Variants in RSF1 observed in about 807,000 individuals in gnomAD.
RSF1 encodes the protein remodeling and spacing factor 1, also known as HBV pX-associated protein 8.
RSF1 carries 13 observed loss-of-function variants against 145.2 expected under a neutral mutation model. That is an observed-to-expected ratio of 0.09 (90% CI 0.06 to 0.14). The LOEUF (loss-of-function observed/expected upper bound fraction) is 0.14, where lower values mean the gene tolerates loss of function less well. RSF1 is among the 10% of genes least tolerant of loss of function. RSF1 has a pLI of 1.00. For synonymous variants in RSF1, 577 were observed against 592.6 expected (o/e 0.97, Z 0.38); for missense variants, 1,517 against 1,718.2 (o/e 0.88, Z 2.07).
intron 2 of RSF1, among the ~76,000 whole-genome samples, chr11:77,750,690 A>G (rs900045746): frequency 7.9e-5 from 12 of 152,194 alleles, no homozygotes; most frequent in African/African-American, 2.9e-4. Flanking sequence ...CCCATGCTCC[A>G]ACTTGTTTCT....
At chr11:77,695,205 A>T (rs1000489237) in intron 7 of RSF1, among the ~76,000 whole-genome samples, 1 of 152,116 alleles carries the variant, frequency 6.6e-6, no homozygotes, top group Non-Finnish European at 1.5e-5. Context: ...AATAGTAATA[A>T]ATCAATAAAT....
intron 5 of RSF1, among the ~76,000 whole-genome samples, chr11:77,707,416 A>G (rs1194495146): frequency 3.9e-5 from 6 of 152,234 alleles, no homozygotes; most frequent in Admixed American, 1.3e-4. Flanking sequence ...GGGCAAGGAC[A>G]TGATACATTT....
chr11:77,774,148 T>A (rs1948316172), intron 1 of RSF1, among the ~76,000 whole-genome samples: 1 of 152,224 alleles, frequency 6.6e-6, no homozygotes, highest in Non-Finnish European at 1.5e-5. Context: ...GCCACCTGCC[T>A]TTTTCATCAC....
intron 11 of RSF1, 22 bp from the exon 12 acceptor site, chr11:77,678,175 CATT>C: frequency 7.6e-7 from 1 of 1,313,428 alleles, no homozygotes; most frequent in Non-Finnish European, 1.1e-6. Flanking sequence ...ACAATGATCA[CATT>C]ATAGCCTGTC....
chr11:77,822,082 T>C (rs1380047184), upstream of RSF1, among the ~76,000 whole-genome samples: 1 of 152,094 alleles, frequency 6.6e-6, no homozygotes, highest in African/African-American at 2.4e-5. Context: ...ATTTATTTAG[T>C]CTATAATTTA....
intron 1 of RSF1, among the ~76,000 whole-genome samples, chr11:77,798,581 TAAAAAAAAAAAAAAAAA>T (rs543236647): frequency 5.2e-3 from 128 of 24,484 alleles, no homozygotes; most frequent in East Asian, 9.5e-3. Context: ...GACTCCATCT[TAAAAAAAAAAAAAAAAA>T]AAAAAAAAAA....
chr11:77,732,795 TC>T (rs1961240042), intron 4 of RSF1, among the ~76,000 whole-genome samples: 1 of 152,216 alleles, frequency 6.6e-6, no homozygotes, highest in Admixed American at 6.5e-5. Context: ...TAAACCTCTT[TC>T]TTTTGCAAAT....
intron 1 of RSF1, among the ~76,000 whole-genome samples, chr11:77,775,857 C>T (rs1948337119): frequency 6.6e-6 from 1 of 152,202 alleles, no homozygotes; most frequent in African/African-American, 2.4e-5. Context: ...ACTGCAGCCT[C>T]AAACTCCTAG....
chr11:77,711,021 C>T (rs375435541), intron 5 of RSF1, among the ~76,000 whole-genome samples: 4 of 151,496 alleles, frequency 2.6e-5, no homozygotes, highest in Non-Finnish European at 5.9e-5. Context: ...TTCAAGACCA[C>T]GATCTGGGCA....
At chr11:77,672,296 T>C in intron 14 of RSF1, 66 bp from the exon 15 acceptor site, 1 of 1,324,714 alleles carries the variant, frequency 7.5e-7, no homozygotes, top group Non-Finnish European at 1.0e-6. Flanking sequence ...GCTTAGGTTA[T>C]AAAAATGAAA....
At chr11:77,705,037 C>T (rs1197267641) in intron 5 of RSF1, among the ~76,000 whole-genome samples, 1 of 152,102 alleles carries the variant, frequency 6.6e-6, no homozygotes, top group Non-Finnish European at 1.5e-5. Context: ...AGGTGTGAGC[C>T]ACCATGCCTG....
chr11:77,794,822 C>T (rs1437316637), intron 1 of RSF1, among the ~76,000 whole-genome samples: 1 of 152,128 alleles, frequency 6.6e-6, no homozygotes, highest in Non-Finnish European at 1.5e-5. Flanking sequence ...TTCAGCACTC[C>T]TAAATCAACA....
At chr11:77,827,047 G>T in the RSF1 span, among the ~76,000 whole-genome samples, 1 of 152,118 alleles carries the variant, frequency 6.6e-6, no homozygotes, top group Non-Finnish European at 1.5e-5. Context: ...AGAGGTTGCA[G>T]TGAGCTGAGA....
the RSF1 span, among the ~76,000 whole-genome samples, chr11:77,858,302 CTTTTTTTTTTTT>C: frequency 0.047 from 3,277 of 69,448 alleles, 83 homozygotes; most frequent in Non-Finnish European, 0.062. Flanking sequence ...TTAAGCAATT[CTTTTTTTTTTTT>C]TTTTTTTTTT....
rs773018611 is a variant in RSF1 at position 77,683,763 on chromosome 11, T to C, written c.3012A>G (p.Lys1004=). 5.4e-5 allele frequency: 87 copies of C among 1,613,224 alleles called. No homozygotes were observed. Among genetic ancestry groups the C allele is most frequent in the Admixed American group, 6.7e-5 (4 of 60,000 alleles). Residue 1004 remains lysine (K), a synonymous_variant, in exon 11 of 16, where the codon AAA becomes AAG. Coordinates refer to ENST00000308488, the MANE Select transcript of RSF1 (RefSeq NM_016578.4). ...EEKKKDSKKS[K]ANLLERRSTR... ...TTGACCTCCTTTCAAGCAAGTTTGC[T>C]TTGGATTTTTTTGAATCTTTTTTCT...
chr11:77,817,047 A>G (rs1050377766), intron 1 of RSF1, among the ~76,000 whole-genome samples: 1 of 152,222 alleles, frequency 6.6e-6, no homozygotes, highest in Admixed American at 6.5e-5. Context: ...CAATGACACA[A>G]TAGTCCCTTC....
At chr11:77,807,804 C>A (rs1948691682) in intron 1 of RSF1, among the ~76,000 whole-genome samples, 1 of 152,064 alleles carries the variant, frequency 6.6e-6, no homozygotes, top group Non-Finnish European at 1.5e-5. Context: ...TAATGCACAG[C>A]CCGTAGTTAA....
chr11:77,772,622 T>C (rs773883383), intron 1 of RSF1, among the ~76,000 whole-genome samples: 16 of 152,122 alleles, frequency 1.1e-4, no homozygotes, highest in Admixed American at 4.6e-4. Flanking sequence ...AAACATTGAA[T>C]TTGTCATTCA....
chr11:77,827,632 G>C, the RSF1 span, among the ~76,000 whole-genome samples: 1 of 152,186 alleles, frequency 6.6e-6, no homozygotes, highest in East Asian at 1.9e-4. Context: ...TTTTCAGCCT[G>C]ATTAAGAGCA....
Sources: allele counts gnomAD v4.1 joint callset (sites outside exome capture counted in the v4.1 genomes callset), GRCh38; gene constraint gnomAD v4.1.1; transcripts MANE v1.5; gene names NCBI Gene and HGNC (gene_info 2026-07-23, HGNC 2026-07-21).